Variants in ST3GAL1 observed in about 807,000 individuals in gnomAD.
ST3GAL1 encodes the protein ST3 beta-galactoside alpha-2,3-sialyltransferase 1, also known as CMP-N-acetylneuraminate-beta-galactosamide-alpha-2,3-sialyltransferase 1.
Under a neutral mutation model 34.1 loss-of-function variants are expected in ST3GAL1, and 16 were observed. The observed-to-expected ratio is 0.47, with a 90% CI of 0.32 to 0.71. The LOEUF is 0.71. Ranked by LOEUF, ST3GAL1 falls within the 30% of genes least tolerant of loss-of-function variation. The pLI is 0.04. For missense variants in ST3GAL1, 353 were observed against 447.4 expected, an observed-to-expected ratio of 0.79 and a Z score of 1.90; for synonymous variants, 191 against 184.7, an observed-to-expected ratio of 1.03 and a Z score of -0.28.
At chr8:133,536,164 G>T (rs999711744) in intron 2 of ST3GAL1, among the ~76,000 whole-genome samples, 1 of 152,136 alleles carries the variant, frequency 6.6e-6, no homozygotes, top group African/African-American at 2.4e-5. Context: ...CTGTGAAGAT[G>T]ACTCTGTGAT....
At chr8:133,472,038 A>C (rs1815982885) in intron 5 of ST3GAL1, among the ~76,000 whole-genome samples, 1 of 152,010 alleles carries the variant, frequency 6.6e-6, no homozygotes, top group South Asian at 2.1e-4. Context: ...GGGAAGAAGG[A>C]ATCCCTGTTC....
chr8:133,549,884 C>A (rs1339358567), intron 1 of ST3GAL1, among the ~76,000 whole-genome samples: 3 of 152,142 alleles, frequency 2.0e-5, no homozygotes, highest in African/African-American at 2.4e-5. Context: ...ATCGCTTGAA[C>A]CTGGGAGGCA....
Position 133,469,573 on chromosome 8 carries a change from G to T in ST3GAL1, c.307-3483C>A, listed in dbSNP as rs369531803. Among the ~76,000 whole-genome samples the T allele has an allele frequency of 6.6e-6, 1 of 152,196 alleles. No individual in the cohort carries two copies. The highest frequency in any genetic ancestry group is 2.1e-4 in the South Asian group (1 of 4,830). On this transcript the variant is annotated intron_variant, in intron 5 of 9. Coordinates refer to ENST00000522652, the MANE Select transcript of ST3GAL1 (RefSeq NM_173344.3). The surrounding 1 kb of genome is among the most constrained non-coding windows in gnomAD (Gnocchi z 4.3). The stretch of plus-strand genomic sequence containing the variant: ...AAACCTCTCATCTCTACCACACGTA[G>T]AAAGCAAGAATTACCTGGCAGAAGT...
chr8:133,527,123 T>G (rs1034616635), intron 2 of ST3GAL1, among the ~76,000 whole-genome samples: 2 of 152,098 alleles, frequency 1.3e-5, no homozygotes, highest in African/African-American at 4.8e-5. Flanking sequence ...GTGAAGGGGC[T>G]GCTCTTTAAC....
intron 1 of ST3GAL1, among the ~76,000 whole-genome samples, chr8:133,562,735 A>G (rs748095664): frequency 5.9e-5 from 9 of 151,554 alleles, no homozygotes; most frequent in Admixed American, 1.3e-4. Context: ...CAGGGGATTT[A>G]TTTTGGGCTC....
intron 2 of ST3GAL1, among the ~76,000 whole-genome samples, chr8:133,533,266 G>C (rs561221249): frequency 1.3e-5 from 2 of 152,156 alleles, no homozygotes; most frequent in African/African-American, 4.8e-5. Context: ...TGACGTGCAG[G>C]TGTTGCAGAC....
intron 2 of ST3GAL1, among the ~76,000 whole-genome samples, chr8:133,523,014 G>T (rs1817857317): frequency 6.6e-6 from 1 of 152,172 alleles, no homozygotes; most frequent in South Asian, 2.1e-4. Context: ...ATTCAGCACG[G>T]TGTTTCTAAA....
intron 3 of ST3GAL1, among the ~76,000 whole-genome samples, chr8:133,485,393 G>T (rs1190646191): frequency 6.6e-6 from 1 of 152,208 alleles, no homozygotes; most frequent in African/African-American, 2.4e-5. Context: ...TGCAGATTCT[G>T]CCCTGACTTC....
At chr8:133,547,071 T>A (rs1314033194) in intron 1 of ST3GAL1, among the ~76,000 whole-genome samples, 2 of 151,124 alleles carry the variant, frequency 1.3e-5, no homozygotes, top group African/African-American at 4.9e-5. Context: ...TCTTAACCAC[T>A]GCTGTCGAAA....
chr8:133,541,114 TATATATAGAGAG>T (rs1408661090), intron 2 of ST3GAL1, among the ~76,000 whole-genome samples: 2 of 44,078 alleles, frequency 4.5e-5, no homozygotes, highest in African/African-American at 2.4e-4. Context: ...TATATATATA[TATATATAGAGAG>T]AGAGAGAGAG....
chr8:133,541,104 T>TAGACATATATATATAAAC (rs1586654974), intron 2 of ST3GAL1, among the ~76,000 whole-genome samples: 7 of 50,438 alleles, frequency 1.4e-4, no homozygotes, highest in Admixed American at 5.6e-4. Flanking sequence ...AACATATATA[T>TAGACATATATATATAAAC]ATATATATAT....
rs1225084859 is a variant in ST3GAL1, at chr8:133,457,387, G to A, written c.*2377C>T. On this transcript the variant is annotated 3_prime_UTR_variant, in exon 10 of 10. Transcript: ENST00000522652. Reference sequence around the variant, plus strand: ...TATAGACTCAGCTTTTAGGAGAAGAGGGAGAGTTGAGGAGATAGCATCGCT... The same window carrying A: ...TATAGACTCAGCTTTTAGGAGAAGAAGGAGAGTTGAGGAGATAGCATCGCT... 1 of 152,184 alleles carries A rather than the reference G, an allele frequency of 6.6e-6. No individual in the cohort carries two copies. The highest frequency in any genetic ancestry group is 1.5e-5 in the Non-Finnish European group (1 of 68,034). The allele number at this position is 152,184 out of a possible 1,614,324, so 9.4% of individuals were successfully genotyped here. A position where few individuals can be genotyped will look rare whatever the true frequency, so the allele number is the denominator to read the frequency against.
chr8:133,479,730 G>T (rs2130952712), intron 3 of ST3GAL1, among the ~76,000 whole-genome samples: 1 of 152,242 alleles, frequency 6.6e-6, no homozygotes, highest in South Asian at 2.1e-4. Flanking sequence ...CAGGTTGTGG[G>T]ACTGTGACAG....
At chr8:133,492,243 C>G (rs552941633) in intron 3 of ST3GAL1, among the ~76,000 whole-genome samples, 2 of 152,120 alleles carry the variant, frequency 1.3e-5, no homozygotes, top group Non-Finnish European at 2.9e-5. Flanking sequence ...GACTGAGATA[C>G]TAGTATTGAT....
At chr8:133,497,412 T>C (rs1473156055) in intron 3 of ST3GAL1, among the ~76,000 whole-genome samples, 1 of 151,202 alleles carries the variant, frequency 6.6e-6, no homozygotes, top group Non-Finnish European at 1.5e-5. Flanking sequence ...AGTAGTTTCC[T>C]ATTAGAGATA....
chr8:133,475,639 TCCCCACTCTCAGCCCAGA>T, intron 5 of ST3GAL1, 62 bp downstream of exon 5: 3 of 1,427,448 alleles, frequency 2.1e-6, no homozygotes, highest in African/African-American at 1.4e-5. Flanking sequence ...CTTATCCAGA[TCCCCACTCTCAGCCCAGA>T]CCCCACTCTC....
At chr8:133,538,612 C>A (rs1818376393) in intron 2 of ST3GAL1, among the ~76,000 whole-genome samples, 1 of 152,190 alleles carries the variant, frequency 6.6e-6, no homozygotes, top group Non-Finnish European at 1.5e-5. Flanking sequence ...TGAGGGAATC[C>A]AAGCACTGTT....
chr8:133,479,808 G>A (rs1269371828), intron 3 of ST3GAL1, among the ~76,000 whole-genome samples: 3 of 152,184 alleles, frequency 2.0e-5, no homozygotes, highest in African/African-American at 7.2e-5. Flanking sequence ...AACCATCAGA[G>A]GCTTCTGAGC....
At chr8:133,562,243 TTC>T (rs1819248424) in intron 1 of ST3GAL1, among the ~76,000 whole-genome samples, 1 of 150,216 alleles carries the variant, frequency 6.7e-6, no homozygotes, top group Non-Finnish European at 1.5e-5. Flanking sequence ...CAGAGTCTCA[TTC>T]TGTCACCAGG....
Sources: allele counts gnomAD v4.1 joint callset (sites outside exome capture counted in the v4.1 genomes callset), GRCh38; gene constraint gnomAD v4.1.1; non-coding constraint Gnocchi (gnomAD v3.1); transcripts MANE v1.5; gene names NCBI Gene and HGNC (gene_info 2026-07-23, HGNC 2026-07-21).